The following PALS2 variants were observed in gnomAD, a reference collection of about 807,000 sequenced individuals.
PALS2 encodes protein PALS2.
PALS2 carries 27 observed loss-of-function variants against 61.6 expected under a neutral mutation model. The observed-to-expected ratio is 0.44, with a 90% confidence interval of 0.32 to 0.60. The LOEUF (loss-of-function observed/expected upper bound fraction) is 0.60. PALS2 is among the 20% of genes least tolerant of loss of function. PALS2 has a pLI of 0.05. For missense variants in PALS2, 554 were observed against 639.4 expected (o/e 0.87, Z 1.44); for synonymous variants, 236 against 218.6 (o/e 1.08, Z -0.70).
Position 24,646,504 on chromosome 7 carries a change from A to G in PALS2, c.271-3108A>G, listed in dbSNP as rs148521874. Among the ~76,000 whole-genome samples, 30 of 152,320 alleles carry G rather than the reference A, an allele frequency of 2.0e-4. No homozygotes were observed. The East Asian group carries it at 4.8e-3, about 24-fold the overall frequency. Reference sequence around the variant, plus strand: ...ACCTTGCATTCTGGGGATGAAGCCTACTTGATCATGGTGGATTAGCTTTTT... The same window carrying G: ...ACCTTGCATTCTGGGGATGAAGCCTGCTTGATCATGGTGGATTAGCTTTTT... On this transcript the variant is annotated intron_variant, in intron 3 of 11. Transcript: ENST00000222644.
chr7:24,584,760 T>C (rs1206353738), intron 1 of PALS2, among the ~76,000 whole-genome samples: 17 of 151,908 alleles, frequency 1.1e-4, no homozygotes, highest in African/African-American at 3.6e-4. Flanking sequence ...TGAATGGTAA[T>C]GCCTAGGTTT....
chr7:24,671,714 G>T (rs1363635068), intron 9 of PALS2, among the ~76,000 whole-genome samples: 2 of 151,972 alleles, frequency 1.3e-5, no homozygotes, highest in Admixed American at 1.3e-4. Context: ...TCATTTTTGT[G>T]TCAAATGTGA....
intron 1 of PALS2, among the ~76,000 whole-genome samples, chr7:24,585,371 T>C (rs2128041164): frequency 6.6e-6 from 1 of 152,228 alleles, no homozygotes; most frequent in Middle Eastern, 3.4e-3. Flanking sequence ...CTTGAAGAGG[T>C]CCTTCACATC....
At chr7:24,666,554 G>A (rs1283128301) in intron 8 of PALS2, among the ~76,000 whole-genome samples, 2 of 152,086 alleles carry the variant, frequency 1.3e-5, no homozygotes, top group Non-Finnish European at 2.9e-5. Flanking sequence ...ATAGAATTCT[G>A]TCTTAAATCT....
chr7:24,624,815 G>A (rs542995022), intron 2 of PALS2, among the ~76,000 whole-genome samples: 9 of 151,698 alleles, frequency 5.9e-5, no homozygotes, highest in African/African-American at 1.7e-4. Context: ...CCATGTTGGC[G>A]CAGGCTGGTC....
At chr7:24,612,330 G>C (rs1784144500) in intron 1 of PALS2, among the ~76,000 whole-genome samples, 1 of 151,840 alleles carries the variant, frequency 6.6e-6, no homozygotes, top group South Asian at 2.1e-4. Flanking sequence ...TGCACTATTT[G>C]AATATACAGT....
At chr7:24,607,793 G>A (rs1783972658) in intron 1 of PALS2, among the ~76,000 whole-genome samples, 1 of 151,836 alleles carries the variant, frequency 6.6e-6, no homozygotes, top group Non-Finnish European at 1.5e-5. Context: ...AAATTTTGAT[G>A]CATGCATACA....
At chr7:24,649,578 A>C (rs866662297) in intron 3 of PALS2, 34 bp from the exon 4 acceptor site, 2 of 1,494,132 alleles carry the variant, frequency 1.3e-6, no homozygotes, top group South Asian at 3.0e-5. Context: ...TCCACATATC[A>C]TAAATAACCA....
chr7:24,683,304 C>A (rs186549295), intron 11 of PALS2, among the ~76,000 whole-genome samples: 1 of 152,112 alleles, frequency 6.6e-6, no homozygotes, highest in Non-Finnish European at 1.5e-5. Flanking sequence ...TTGATACTGT[C>A]CTTTGTAGGT....
chr7:24,642,608 G>A (rs1241231215), intron 3 of PALS2, among the ~76,000 whole-genome samples: 2 of 152,114 alleles, frequency 1.3e-5, no homozygotes, highest in South Asian at 4.1e-4. Context: ...TAAAGTAAAT[G>A]TCACCTGCTT....
rs149247870 is a variant in PALS2, at chr7:24,668,404, A to G, written c.953-95A>G. 3.3e-5 allele frequency: 40 copies of G among 1,200,026 alleles called. No homozygotes were observed. In the Admixed American group the frequency reaches 3.9e-4, roughly 12 times the overall value. 74.3% of individuals were successfully genotyped at this position (1,200,026 alleles called of 1,614,324 possible). A position where few individuals can be genotyped will look rare whatever the true frequency, so the allele number is the denominator to read the frequency against. On this transcript the variant is annotated intron_variant, in intron 8 of 11. Coordinates refer to ENST00000222644, the MANE Select transcript of PALS2 (RefSeq NM_001303037.2). ...GGTACAAGTCAAGTGATATTTAACT[A>G]TCAAGACAGCTAAGCCATTACTAGA...
At chr7:24,580,603 C>T (rs535098599) in intron 1 of PALS2, among the ~76,000 whole-genome samples, 2 of 152,294 alleles carry the variant, frequency 1.3e-5, no homozygotes, top group African/African-American at 4.8e-5. Flanking sequence ...TCCAAGGAAG[C>T]CATCATTAGG....
intron 1 of PALS2, among the ~76,000 whole-genome samples, chr7:24,581,767 T>A (rs1782854856): frequency 6.6e-6 from 1 of 152,210 alleles, no homozygotes; most frequent in Non-Finnish European, 1.5e-5. Flanking sequence ...AGGCAACTAT[T>A]GCCAATAGCT....
intron 5 of PALS2, among the ~76,000 whole-genome samples, chr7:24,653,662 A>T (rs996213941): frequency 6.6e-6 from 1 of 152,226 alleles, no homozygotes; most frequent in African/African-American, 2.4e-5. Context: ...TACAGCAAAC[A>T]TTATCTGTTA....
intron 1 of PALS2, among the ~76,000 whole-genome samples, chr7:24,610,588 C>G (rs551864210): frequency 6.6e-6 from 1 of 152,218 alleles, no homozygotes; most frequent in South Asian, 2.1e-4. Flanking sequence ...AGCATATTGT[C>G]AGTTTATAGA....
chr7:24,639,269 G>A (rs1169769554), intron 2 of PALS2, among the ~76,000 whole-genome samples: 4 of 152,182 alleles, frequency 2.6e-5, no homozygotes, highest in African/African-American at 9.7e-5. Context: ...TTTAATAGAT[G>A]AGAGTTCAAG....
intron 1 of PALS2, among the ~76,000 whole-genome samples, chr7:24,613,672 A>T (rs1451363537): frequency 5.9e-5 from 9 of 151,844 alleles, no homozygotes; most frequent in Admixed American, 5.9e-4. Flanking sequence ...GGTGCTATAA[A>T]ACACTAGAAC....
intron 6 of PALS2, among the ~76,000 whole-genome samples, chr7:24,664,452 A>C (rs1384051749): frequency 6.6e-6 from 1 of 152,178 alleles, no homozygotes; most frequent in Non-Finnish European, 1.5e-5. Flanking sequence ...GAAGTCTGAA[A>C]TGCCTTAAAC....
rs894661326 is a variant in PALS2, at chr7:24,609,872, TTTG to T, written c.-2-13781_-2-13779del. ...GACTGCCCCTCCACTGTGCCTGCACTTTGTTGTTGTTGTTGACTCCAAGCTTGA... is the reference window on the plus strand; with the variant it reads ...GACTGCCCCTCCACTGTGCCTGCACTTTGTTGTTGTTGACTCCAAGCTTGA... On this transcript the variant is annotated intron_variant, in intron 1 of 11. Transcript: ENST00000222644. Among the ~76,000 whole-genome samples, 10 of 152,202 alleles carry T rather than the reference TTTG, an allele frequency of 6.6e-5. No homozygotes were observed. The South Asian group carries it at 1.0e-3, about 16-fold the overall frequency.
Sources: gnomAD v4.1 joint callset for allele counts (sites outside exome capture counted in the v4.1 genomes callset) on GRCh38, gnomAD v4.1.1 for gene constraint, MANE v1.5 for transcripts, NCBI Gene and HGNC (gene_info 2026-07-23, HGNC 2026-07-21) for gene names.